The following ZZZ3 variants were observed in gnomAD, a reference collection of about 807,000 sequenced individuals.
The protein encoded by ZZZ3 is zinc finger ZZ-type containing 3, also known as ZZ-type zinc finger-containing protein 3.
Under a neutral mutation model 95.2 loss-of-function variants are expected in ZZZ3, and 22 were observed. The ratio of observed to expected loss-of-function variants is 0.23; its 90% CI spans 0.17 to 0.33. The LOEUF (loss-of-function observed/expected upper bound fraction) is 0.33, where lower values mean the gene tolerates loss of function less well. Ranked by LOEUF, ZZZ3 falls within the 10% of genes least tolerant of loss-of-function variation. The pLI, the probability that ZZZ3 is intolerant of heterozygous loss-of-function variation, is 1.00. For missense variants in ZZZ3, 885 were observed against 1,066.5 expected (o/e 0.83, Z 2.37); for synonymous variants, 335 against 358.9 (o/e 0.93, Z 0.75).
At chr1:77,652,238 AC>A (rs1669877056) in intron 1 of ZZZ3, among the ~76,000 whole-genome samples, 1 of 152,118 alleles carries the variant, frequency 6.6e-6, no homozygotes, top group African/African-American at 2.4e-5. Context: ...ATCTATAAAA[AC>A]CCTTACAACT....
chr1:77,664,719 A>T (rs1186501842), intron 1 of ZZZ3, among the ~76,000 whole-genome samples: 1 of 152,236 alleles, frequency 6.6e-6, no homozygotes, highest in Non-Finnish European at 1.5e-5. Context: ...ACATTTATTC[A>T]AAACATTAAT....
chr1:77,606,116 G>C (rs1233106208), intron 5 of ZZZ3, among the ~76,000 whole-genome samples: 1 of 152,176 alleles, frequency 6.6e-6, no homozygotes, highest in African/African-American at 2.4e-5. Flanking sequence ...CCACTACCCT[G>C]AAGTGTTACT....
intron 5 of ZZZ3, chr1:77,615,039 G>A (rs907318039): frequency 6.6e-6 from 1 of 152,182 alleles, no homozygotes; most frequent in Non-Finnish European, 1.5e-5. Flanking sequence ...AAGAGTGGAG[G>A]AATCCAGAGC....
chr1:77,567,973 G>A (rs1660984197), intron 13 of ZZZ3, among the ~76,000 whole-genome samples: 1 of 152,092 alleles, frequency 6.6e-6, no homozygotes, highest in Non-Finnish European at 1.5e-5. Context: ...ATAAATGAAT[G>A]GGATAAAAGA....
intron 4 of ZZZ3, among the ~76,000 whole-genome samples, chr1:77,637,584 T>C (rs976537690): frequency 6.6e-6 from 1 of 152,134 alleles, no homozygotes; most frequent in African/African-American, 2.4e-5. Context: ...TCACAGATAC[T>C]CAGGAGGCTG....
rs565495677 is a variant in ZZZ3, at chr1:77,638,103, G to GA, written c.-52+1345dup. ...ATGGTTGCACTTTCTAGAATTCAGA[G>GA]AAAAAAGAGTGTGGTCAGTAACTAG... On this transcript the variant is annotated intron_variant, in intron 4 of 14. Coordinates refer to ENST00000370801, the MANE Select transcript of ZZZ3 (RefSeq NM_015534.6). Among the ~76,000 whole-genome samples the GA allele has an allele frequency of 2.3e-4, 35 of 152,240 alleles. No homozygotes were observed. In the South Asian group the frequency reaches 2.7e-3, roughly 12 times the overall value.
chr1:77,583,515 G>A (rs1006392317), intron 6 of ZZZ3, among the ~76,000 whole-genome samples: 3 of 151,950 alleles, frequency 2.0e-5, no homozygotes, highest in Admixed American at 6.6e-5. Context: ...TATCTATTAC[G>A]ATATTCAATG....
chr1:77,607,645 G>A (rs1164438990), intron 5 of ZZZ3, among the ~76,000 whole-genome samples: 1 of 152,118 alleles, frequency 6.6e-6, no homozygotes, highest in Non-Finnish European at 1.5e-5. Context: ...CAGAGAGGAG[G>A]CCGGGCACAG....
chr1:77,668,602 C>T (rs539795039), intron 1 of ZZZ3, among the ~76,000 whole-genome samples: 3 of 150,276 alleles, frequency 2.0e-5, no homozygotes, highest in Middle Eastern at 6.9e-3. Context: ...CTCATATGAT[C>T]GCACCACTGC....
intron 1 of ZZZ3, among the ~76,000 whole-genome samples, chr1:77,663,891 A>G (rs1175756844): frequency 2.0e-5 from 3 of 152,016 alleles, no homozygotes; most frequent in Non-Finnish European, 4.4e-5. Flanking sequence ...CTGGGATTAC[A>G]GGTGCGTGCC....
intron 1 of ZZZ3, among the ~76,000 whole-genome samples, chr1:77,661,996 T>TTA (rs1670834517): frequency 6.6e-6 from 1 of 150,870 alleles, no homozygotes; most frequent in East Asian, 2.0e-4. Context: ...TTTTTTTTTT[T>TTA]ACTTGGTTTT....
At chr1:77,657,231 C>A (rs1319558291) in intron 1 of ZZZ3, among the ~76,000 whole-genome samples, 1 of 152,188 alleles carries the variant, frequency 6.6e-6, no homozygotes, top group African/African-American at 2.4e-5. Flanking sequence ...ATCCACCCAC[C>A]TCGGCCTCCC....
chr1:77,623,740 A>G (rs553837724), intron 5 of ZZZ3, among the ~76,000 whole-genome samples: 3 of 152,354 alleles, frequency 2.0e-5, no homozygotes, highest in African/African-American at 7.2e-5. Flanking sequence ...ACATGTGAAA[A>G]TTCAATCACA....
intron 4 of ZZZ3, among the ~76,000 whole-genome samples, chr1:77,635,530 TG>T: frequency 6.6e-6 from 1 of 152,352 alleles, no homozygotes; most frequent in Middle Eastern, 3.4e-3. Context: ...GTTTCTTTCA[TG>T]GGTAACAAAC....
At chr1:77,666,556 T>C (rs554720864) in intron 1 of ZZZ3, among the ~76,000 whole-genome samples, 3 of 152,218 alleles carry the variant, frequency 2.0e-5, no homozygotes, top group East Asian at 3.9e-4. Flanking sequence ...ATAATATAAA[T>C]ACTTATATGG....
intron 1 of ZZZ3, among the ~76,000 whole-genome samples, chr1:77,677,953 T>C (rs1448110337): frequency 6.6e-6 from 1 of 152,184 alleles, no homozygotes; most frequent in Non-Finnish European, 1.5e-5. Context: ...ACACCCCTTA[T>C]ACACAAGTCA....
At chr1:77,641,755 T>A in intron 1 of ZZZ3, 100 bp from the exon 2 acceptor site, 1 of 390,652 alleles carries the variant, frequency 2.6e-6, no homozygotes, top group Non-Finnish European at 4.5e-6. Context: ...ATAGCACACT[T>A]CATTTTCTAC....
At chr1:77,629,939 T>C (rs1022904077) in intron 5 of ZZZ3, among the ~76,000 whole-genome samples, 1 of 152,216 alleles carries the variant, frequency 6.6e-6, no homozygotes, top group African/African-American at 2.4e-5. Flanking sequence ...AGGTAACTGT[T>C]TTATGTGAAC....
At chr1:77,653,764 T>TA (rs1670020951) in intron 1 of ZZZ3, among the ~76,000 whole-genome samples, 1 of 150,718 alleles carries the variant, frequency 6.6e-6, no homozygotes, top group Non-Finnish European at 1.5e-5. Context: ...AAAAAAAAAT[T>TA]AAAAAAGATA....
Sources: gnomAD v4.1 joint callset for allele counts (sites outside exome capture counted in the v4.1 genomes callset) on GRCh38, gnomAD v4.1.1 for gene constraint, MANE v1.5 for transcripts, NCBI Gene and HGNC (gene_info 2026-07-23, HGNC 2026-07-21) for gene names.